The following ZMIZ1 variants were observed in gnomAD, a reference collection of about 807,000 sequenced individuals.
The protein encoded by ZMIZ1 is zinc finger MIZ domain-containing protein 1.
In ZMIZ1, 17 loss-of-function variants were observed where a neutral mutation model predicts 113.9. The observed-to-expected ratio is 0.15, with a 90% confidence interval of 0.10 to 0.22. The LOEUF is 0.22. Ranked by LOEUF, ZMIZ1 falls within the 10% of genes least tolerant of loss-of-function variation. The pLI, the probability that ZMIZ1 is intolerant of heterozygous loss-of-function variation, is 1.00. For missense variants in ZMIZ1, 1,059 were observed against 1,477.8 expected (o/e 0.72, Z 4.65); for synonymous variants, 607 against 603.1 (o/e 1.01, Z -0.09).
At chr10:79,136,593 C>T (rs576535179) in intron 2 of ZMIZ1, among the ~76,000 whole-genome samples, 1 of 152,358 alleles carries the variant, frequency 6.6e-6, no homozygotes, top group South Asian at 2.1e-4. Flanking sequence ...TGGTGAAGGG[C>T]TGGCAATGGC....
In ZMIZ1 at chr10:79,216,470, A is replaced by C. The variant is rs1409417778; in HGVS notation, c.280+196A>C. ...GGCTGTCCTCGTGCCTCTCCCAGGG[A>C]GTATACTTGCCTCAGGGGTACTGCA... On this transcript the variant is annotated intron_variant, in intron 7 of 24. Transcript: ENST00000334512. 6.3e-6 allele frequency: 3 copies of C among 477,770 alleles called. No homozygotes were observed. The South Asian group carries it at 9.4e-5, about 15-fold the overall frequency. The allele number at this position is 477,770 out of a possible 1,614,324, so 29.6% of individuals were successfully genotyped here.
At chr10:79,089,435 G>C (rs1023103626) in intron 1 of ZMIZ1, among the ~76,000 whole-genome samples, 11 of 152,202 alleles carry the variant, frequency 7.2e-5, no homozygotes, top group African/African-American at 2.4e-4. Flanking sequence ...GCCTTCTCCG[G>C]TTTGCTCTAG....
chr10:79,140,433 T>C (rs940509978), intron 3 of ZMIZ1, among the ~76,000 whole-genome samples: 18 of 152,332 alleles, frequency 1.2e-4, no homozygotes, highest in Admixed American at 2.0e-4. Context: ...CTATTTGCCA[T>C]ACCAGCTTCT....
chr10:79,180,611 G>A (rs746209247), intron 4 of ZMIZ1, among the ~76,000 whole-genome samples: 2 of 152,178 alleles, frequency 1.3e-5, no homozygotes, highest in Non-Finnish European at 1.5e-5. Flanking sequence ...CCCCAGAGGC[G>A]TGGGAGCCTG....
intron 1 of ZMIZ1, among the ~76,000 whole-genome samples, chr10:79,103,468 G>GT (rs1175630974): frequency 6.6e-6 from 1 of 151,932 alleles, no homozygotes. Context: ...AGATGGCTTG[G>GT]TTGAGGGGGA....
chr10:79,218,466 C>A (rs1320563537), intron 7 of ZMIZ1, among the ~76,000 whole-genome samples: 1 of 151,740 alleles, frequency 6.6e-6, no homozygotes, highest in African/African-American at 2.4e-5. Context: ...TAGAGTAAGA[C>A]CCTGTCTCAA....
At chr10:79,090,169 C>T (rs1842943394) in intron 1 of ZMIZ1, among the ~76,000 whole-genome samples, 1 of 152,178 alleles carries the variant, frequency 6.6e-6, no homozygotes, top group South Asian at 2.1e-4. Flanking sequence ...TTTAGCTGCC[C>T]CATTTTACAG....
At chr10:79,236,851 C>G (rs1210423460) in intron 7 of ZMIZ1, among the ~76,000 whole-genome samples, 1 of 152,254 alleles carries the variant, frequency 6.6e-6, no homozygotes, top group Non-Finnish European at 1.5e-5. Flanking sequence ...ATTTTAGATA[C>G]TGTCAATATA....
intron 3 of ZMIZ1, among the ~76,000 whole-genome samples, chr10:79,143,890 G>A (rs968592030): frequency 3.3e-5 from 5 of 152,296 alleles, no homozygotes; most frequent in South Asian, 2.1e-4. Context: ...TGGCCAGGAC[G>A]TGAGAGGAGG....
chr10:79,169,328 T>C (rs1846507639), intron 4 of ZMIZ1, among the ~76,000 whole-genome samples: 1 of 152,202 alleles, frequency 6.6e-6, no homozygotes, highest in African/African-American at 2.4e-5. Flanking sequence ...AGCAATTCCC[T>C]CTCAGGTAGG....
At chr10:79,186,579 A>G (rs1589394085) in intron 4 of ZMIZ1, among the ~76,000 whole-genome samples, 1 of 152,278 alleles carries the variant, frequency 6.6e-6, no homozygotes, top group Non-Finnish European at 1.5e-5. Flanking sequence ...GCATGATTAC[A>G]CAGCACATAA....
intron 9 of ZMIZ1, 85 bp from the exon 10 acceptor site, chr10:79,290,874 T>C: frequency 1.3e-6 from 2 of 1,504,246 alleles, no homozygotes; most frequent in Non-Finnish European, 1.8e-6. Flanking sequence ...TTGTTCTTTC[T>C]CCCTTTCCCC....
intron 5 of ZMIZ1, among the ~76,000 whole-genome samples, chr10:79,203,412 CA>C (rs1169670569): frequency 6.6e-6 from 1 of 152,142 alleles, no homozygotes; most frequent in East Asian, 1.9e-4. Context: ...GAATAGAAAC[CA>C]GACGCCAAGA....
Position 79,306,199 on chromosome 10 carries a change from C to T in ZMIZ1, c.2523C>T (p.Pro841=), listed in dbSNP as rs1854681049. 6.2e-7 allele frequency: 1 copy of T among 1,614,202 alleles called. No individual in the cohort carries two copies. Among genetic ancestry groups the T allele is most frequent in the Non-Finnish European group, 8.5e-7 (1 of 1,180,034 alleles). The part of the protein sequence containing the change: ...LHIKDDPDGI[P]SKRFKTMSPS... ...TCAAGGACGACCCTGATGGCATCCC[C>T]TCCAAGCGGTTCAAGACCATGAGTC... Residue 841 remains proline (P), a synonymous_variant, in exon 22 of 25, where the codon CCC becomes CCT. Coordinates refer to ENST00000334512, the MANE Select transcript of ZMIZ1 (RefSeq NM_020338.4).
At chr10:79,230,571 G>A (rs1029878195) in intron 7 of ZMIZ1, among the ~76,000 whole-genome samples, 1 of 152,202 alleles carries the variant, frequency 6.6e-6, no homozygotes, top group African/African-American at 2.4e-5. Context: ...CGAGGGGCCC[G>A]CCTGTGTGCA....
chr10:79,289,690 G>A (rs1161176604), intron 8 of ZMIZ1, 85 bp from the exon 9 acceptor site: 8 of 1,275,100 alleles, frequency 6.3e-6, no homozygotes, highest in South Asian at 1.3e-5. Flanking sequence ...TGGGAGCTGC[G>A]GTCACTTGGT....
intron 4 of ZMIZ1, among the ~76,000 whole-genome samples, chr10:79,193,758 G>A (rs572468375): frequency 6.6e-6 from 1 of 152,320 alleles, no homozygotes; most frequent in South Asian, 2.1e-4. Flanking sequence ...TGGATGGGAG[G>A]TGTCCAGGCA....
Position 79,155,627 on chromosome 10 carries a change from G to A in ZMIZ1, c.-130-6426G>A, listed in dbSNP as rs538927229. Among the ~76,000 whole-genome samples the A allele has an allele frequency of 1.3e-3, 194 of 152,344 alleles. 7 individuals are homozygous for A. In the South Asian group the frequency reaches 0.04, roughly 31 times the overall value. On this transcript the variant is annotated intron_variant, in intron 3 of 24. Transcript: ENST00000334512. ...CTGGGGCCTGGGCGATGCTGCATGA[G>A]CTCTTCCTCCAAGAGGAAGTGTCCC... is the stretch of plus-strand genomic sequence containing the variant.
chr10:79,161,406 T>C (rs1264646154), intron 3 of ZMIZ1, among the ~76,000 whole-genome samples: 1 of 152,180 alleles, frequency 6.6e-6, no homozygotes, highest in Non-Finnish European at 1.5e-5. Flanking sequence ...CCTCCCTTGC[T>C]CAGTGCATCT....
Sources: gnomAD v4.1 joint callset for allele counts (sites outside exome capture counted in the v4.1 genomes callset) on GRCh38, gnomAD v4.1.1 for gene constraint, MANE v1.5 for transcripts, NCBI Gene and HGNC (gene_info 2026-07-23, HGNC 2026-07-21) for gene names.